The following CPQ variants were observed in gnomAD, a reference collection of about 807,000 sequenced individuals.
CPQ encodes the protein carboxypeptidase Q.
In CPQ, 37 loss-of-function variants were observed where a neutral mutation model predicts 45.7. The ratio of observed to expected loss-of-function variants is 0.81; its 90% CI spans 0.62 to 1.07. The LOEUF is 1.07. Ranked by LOEUF, CPQ falls within the 50% of genes least tolerant of loss-of-function variation. The probability of loss-of-function intolerance (pLI) is 0.00; values close to 1 mark genes in which losing one functional copy is unlikely to be tolerated. For synonymous variants in CPQ, 186 were observed against 205.8 expected, an observed-to-expected ratio of 0.90 and a Z score of 0.82; for missense variants, 537 against 572.9, an observed-to-expected ratio of 0.94 and a Z score of 0.64.
intron 7 of CPQ, among the ~76,000 whole-genome samples, chr8:97,078,763 TTCTCTC>T (rs749278181): frequency 0.084 from 8,448 of 100,360 alleles, 365 homozygotes; most frequent in African/African-American, 0.15. Context: ...TCATTTCCAT[TTCTCTC>T]TCTCTCTCTC....
At chr8:96,795,976 A>T (rs965914695) in intron 2 of CPQ, among the ~76,000 whole-genome samples, 1 of 152,060 alleles carries the variant, frequency 6.6e-6, no homozygotes, top group Non-Finnish European at 1.5e-5. Flanking sequence ...CACAATAGAT[A>T]TGTAAACATT....
intron 7 of CPQ, among the ~76,000 whole-genome samples, chr8:97,121,456 G>C (rs1470075542): frequency 1.3e-5 from 2 of 152,074 alleles, no homozygotes; most frequent in African/African-American, 4.8e-5. Flanking sequence ...ACTAGCCCTA[G>C]AATCAAGATT....
chr8:97,132,081 G>T lies in CPQ; in HGVS notation c.1256-10939G>T, dbSNP rs1276261818. 7.9e-5 allele frequency among the ~76,000 whole-genome samples: 12 copies of T among 152,154 alleles called. No individual in the cohort carries two copies. The East Asian group carries it at 2.3e-3, about 29-fold the overall frequency. On this transcript the variant is annotated intron_variant, in intron 7 of 7. Transcript: ENST00000220763. ...TTTAAACCTTTTTAAAGGTTGTAAAGAATTAGTTAGTCAAGGCTTCTTCTC... is the reference window on the plus strand; with the variant it reads ...TTTAAACCTTTTTAAAGGTTGTAAATAATTAGTTAGTCAAGGCTTCTTCTC...
At chr8:96,843,083 T>A (rs943510809) in intron 3 of CPQ, among the ~76,000 whole-genome samples, 2 of 152,018 alleles carry the variant, frequency 1.3e-5, no homozygotes, top group African/African-American at 4.8e-5. Context: ...TTTTTTGTAT[T>A]TTTGGTAGAG....
chr8:97,021,036 G>C (rs999092071), intron 5 of CPQ, among the ~76,000 whole-genome samples: 4 of 152,246 alleles, frequency 2.6e-5, no homozygotes, highest in Middle Eastern at 3.4e-3. Context: ...GATCAAGTGG[G>C]TTTCATACCA....
intron 7 of CPQ, among the ~76,000 whole-genome samples, chr8:97,114,210 CA>C (rs1224904470): frequency 1.3e-5 from 2 of 152,244 alleles, no homozygotes; most frequent in East Asian, 3.9e-4. Context: ...AAGAGGAAAC[CA>C]GGGGTATGTT....
chr8:96,769,963 G>A (rs1030469449), intron 1 of CPQ, among the ~76,000 whole-genome samples: 1 of 152,158 alleles, frequency 6.6e-6, no homozygotes, highest in African/African-American at 2.4e-5. Flanking sequence ...CTTTTGAACA[G>A]TAAGAATTTA....
chr8:96,840,439 A>G (rs1465551957), intron 3 of CPQ, among the ~76,000 whole-genome samples: 3 of 152,198 alleles, frequency 2.0e-5, no homozygotes, highest in African/African-American at 7.2e-5. Flanking sequence ...GGTCCCTGGA[A>G]TAGCAACATC....
intron 4 of CPQ, among the ~76,000 whole-genome samples, chr8:96,951,412 C>T (rs2130337738): frequency 1.3e-5 from 2 of 152,228 alleles, no homozygotes; most frequent in Middle Eastern, 3.4e-3. Flanking sequence ...AATTTACATT[C>T]TTAAAATTCG....
At position 97,130,085 on chromosome 8, in the gene CPQ, A is replaced by T. The variant is rs557521311; in HGVS notation, c.1256-12935A>T. Among the ~76,000 whole-genome samples, 4 of 152,362 alleles carry T rather than the reference A, an allele frequency of 2.6e-5. No homozygotes were observed. The East Asian group carries it at 7.7e-4, about 29-fold the overall frequency. On this transcript the variant is annotated intron_variant, in intron 7 of 7. Transcript: ENST00000220763. The stretch of plus-strand genomic sequence containing the variant: ...GCAGCTGGATGATTATTTCTCAGCT[A>T]TACGAAATTATTAAATAAGAAATAA...
chr8:97,018,441 G>A (rs770252752), intron 5 of CPQ, among the ~76,000 whole-genome samples: 1 of 152,170 alleles, frequency 6.6e-6, no homozygotes, highest in Non-Finnish European at 1.5e-5. Flanking sequence ...AAGCTAATCA[G>A]GGAGGTACCA....
chr8:96,836,202 A>G (rs187910670), intron 3 of CPQ, among the ~76,000 whole-genome samples: 19 of 152,282 alleles, frequency 1.2e-4, no homozygotes, highest in Non-Finnish European at 2.2e-4. Flanking sequence ...ATTCTGCACA[A>G]TTGCTATTTG....
intron 4 of CPQ, among the ~76,000 whole-genome samples, chr8:96,909,056 G>T (rs1274624047): frequency 6.6e-6 from 1 of 152,054 alleles, no homozygotes; most frequent in Non-Finnish European, 1.5e-5. Context: ...ACCAAGATAT[G>T]ACCTGTTTTG....
chr8:97,022,620 A>G (rs1343054843), intron 5 of CPQ, among the ~76,000 whole-genome samples: 1 of 152,166 alleles, frequency 6.6e-6, no homozygotes, highest in Admixed American at 6.5e-5. Context: ...CAACAAACAT[A>G]TGAAAAAATG....
At chr8:96,718,942 C>A (rs997751254) in intron 1 of CPQ, among the ~76,000 whole-genome samples, 33 of 152,230 alleles carry the variant, frequency 2.2e-4, no homozygotes, top group East Asian at 1.2e-3. Flanking sequence ...TACAGAGTGC[C>A]GATTGCTGTA....
At chr8:96,757,862 TTG>T (rs1810347615) in intron 1 of CPQ, among the ~76,000 whole-genome samples, 5 of 152,190 alleles carry the variant, frequency 3.3e-5, no homozygotes. Context: ...CATTCTTGAA[TTG>T]TGTGAGATTT....
At chr8:97,005,429 C>A (rs921719409) in intron 5 of CPQ, among the ~76,000 whole-genome samples, 1 of 151,770 alleles carries the variant, frequency 6.6e-6, no homozygotes, top group Admixed American at 6.6e-5. Flanking sequence ...AAGCCAGGTG[C>A]AGTGGCTCAC....
chr8:96,977,324 CAAA>C (rs34816638), intron 5 of CPQ, among the ~76,000 whole-genome samples: 4 of 133,874 alleles, frequency 3.0e-5, no homozygotes, highest in African/African-American at 5.3e-5. Flanking sequence ...TATCCGTAAT[CAAA>C]AAAAAAAAAA....
At position 96,950,572 on chromosome 8, in the gene CPQ, C is replaced by A. The variant is rs192851753; in HGVS notation, c.850-15363C>A. 1.1e-3 allele frequency among the ~76,000 whole-genome samples: 163 copies of A among 152,208 alleles called. 1 individual carries two copies. The South Asian group carries it at 0.011, about 10-fold the overall frequency. ...GGCTTTTTAATTTTCAAACTATGCACCCTATCTCCATTTCCCAGCCCCCTA... is the reference window on the plus strand; with the variant it reads ...GGCTTTTTAATTTTCAAACTATGCAACCTATCTCCATTTCCCAGCCCCCTA... On this transcript the variant is annotated intron_variant, in intron 4 of 7. Coordinates refer to ENST00000220763, the MANE Select transcript of CPQ (RefSeq NM_016134.4).
Sources: gnomAD v4.1 joint callset for allele counts (sites outside exome capture counted in the v4.1 genomes callset) on GRCh38, gnomAD v4.1.1 for gene constraint, MANE v1.5 for transcripts, NCBI Gene and HGNC (gene_info 2026-07-23, HGNC 2026-07-21) for gene names.